TUBGCP4: variants seen among roughly 807,000 people sequenced by gnomAD.
The protein encoded by TUBGCP4 is tubulin gamma complex component 4, also known as gamma-tubulin complex component 4.
A neutral mutation model predicts 91.6 loss-of-function variants in TUBGCP4; 54 were observed. That is an observed-to-expected ratio of 0.59 (90% CI 0.47 to 0.74). The LOEUF (loss-of-function observed/expected upper bound fraction) is 0.74. TUBGCP4 is among the 30% of genes least tolerant of loss of function. The pLI is 0.00. For synonymous variants in TUBGCP4, 297 were observed against 302.8 expected (o/e 0.98, Z 0.20); for missense variants, 593 against 800.9 (o/e 0.74, Z 3.13).
At position 43,408,415 on chromosome 15, in the gene TUBGCP4, A is replaced by C. The variant is rs2142933637; in HGVS notation, c.*3201A>C. 1 of 286,016 alleles carries C rather than the reference A, an allele frequency of 3.5e-6. No individual in the cohort carries two copies. The highest frequency in any genetic ancestry group is 2.2e-5 in the African/African-American group (1 of 45,606). The allele number at this position is 286,016 out of a possible 1,614,324, so 17.7% of individuals were successfully genotyped here. A position where few individuals can be genotyped will look rare whatever the true frequency, so the allele number is the denominator to read the frequency against. ...GGGATCACTTCAGCCTGGGAGGTTG[A>C]GGCTGCAGTAAGTCGTCACTGCGCC... On this transcript the variant is annotated 3_prime_UTR_variant, in exon 18 of 18. Transcript: ENST00000564079.
In TUBGCP4 at chr15:43,395,635, T is replaced by G; in HGVS notation, c.1118T>G (p.Ile373Ser). ...LGRGELFQAF[I>S]DTAQHMLKTP... ...CGTGGAGAACTGTTTCAGGCCTTCA[T>G]TGACACAGCTCAACACATGTTGAAA... The change falls in exon 11 of 18, where the codon ATT becomes AGT. Residue 373 changes from isoleucine (I) to serine (S), a missense_variant. By Grantham distance (142) the Ile-to-Ser change is moderately radical. Transcript: ENST00000564079. 1 of 1,614,140 alleles carries G rather than the reference T, an allele frequency of 6.2e-7. No homozygotes were observed. Among genetic ancestry groups the G allele is most frequent in the South Asian group, 1.1e-5 (1 of 91,080 alleles).
chr15:43,385,114 T>C (rs1025678659), intron 7 of TUBGCP4, among the ~76,000 whole-genome samples: 2 of 152,082 alleles, frequency 1.3e-5, no homozygotes, highest in East Asian at 3.9e-4. Context: ...GGGGGGCATG[T>C]TGAGTTTGAG....
At chr15:43,380,022 G>C in intron 5 of TUBGCP4, 62 bp from the exon 6 acceptor site, 1 of 1,508,544 alleles carries the variant, frequency 6.6e-7, no homozygotes, top group East Asian at 2.3e-5. Context: ...TATGGAATAA[G>C]AATGTGTCTT....
In TUBGCP4 at chr15:43,395,513, G is replaced by A. The variant is rs1595494927; in HGVS notation, c.1066-70G>A. On this transcript the variant is annotated intron_variant, in intron 10 of 17. Coordinates refer to ENST00000564079, the MANE Select transcript of TUBGCP4 (RefSeq NM_014444.5). ...TGAAATTAGAAATTACTGTATACAT[G>A]TAATTCCTCAGGACAGTGAGGAGCT... The A allele has an allele frequency of 1.8e-5, 20 of 1,128,046 alleles. No homozygotes were observed. The South Asian group carries it at 2.2e-4, about 12-fold the overall frequency. 69.9% of individuals were successfully genotyped at this position (1,128,046 alleles called of 1,614,324 possible).
At position 43,385,919 on chromosome 15, in the gene TUBGCP4, G is replaced by A. The variant is rs147411843; in HGVS notation, c.852G>A (p.Gln284=). 3,374 of 1,614,082 alleles carry A rather than the reference G, an allele frequency of 2.1e-3. 6 individuals carry two copies. The highest frequency in any genetic ancestry group is 4.8e-3 in the Admixed American group (289 of 60,012). ...TCCTATTTGTTGGAGAATCTGTCCA[G>A]ATGTTTGAGAATCAAAATGTGAACC... ...EKILFVGESV[Q]MFENQNVNLT... is the part of the protein sequence containing the mutation. Residue 284 remains glutamine (Q), a synonymous_variant, in exon 8 of 18, where the codon CAG becomes CAA. Transcript: ENST00000564079.
Position 43,409,230 on chromosome 15 carries a change from G to C in TUBGCP4, c.*4016G>C. ...CCCAAAATGTGATTTAGTCTATCCT[G>C]CCCAAGGCCACTCTTCTCACTGGAA... On this transcript the variant is annotated 3_prime_UTR_variant, in exon 18 of 18. Coordinates refer to ENST00000564079, the MANE Select transcript of TUBGCP4 (RefSeq NM_014444.5). 2.7e-6 allele frequency: 2 copies of C among 752,694 alleles called. No homozygotes were observed. Among genetic ancestry groups the C allele is most frequent in the South Asian group, 3.5e-5 (2 of 57,302 alleles). 46.6% of individuals were successfully genotyped at this position (752,694 alleles called of 1,614,324 possible). A position where few individuals can be genotyped will look rare whatever the true frequency, so the allele number is the denominator to read the frequency against.
intron 9 of TUBGCP4, among the ~76,000 whole-genome samples, chr15:43,389,364 T>C (rs2044430943): frequency 6.6e-6 from 1 of 152,156 alleles, no homozygotes; most frequent in South Asian, 2.1e-4. Context: ...GATCATACTA[T>C]CTGCAAATGA....
intron 13 of TUBGCP4, among the ~76,000 whole-genome samples, chr15:43,399,787 A>G (rs1447172500): frequency 6.6e-6 from 1 of 152,250 alleles, no homozygotes; most frequent in Non-Finnish European, 1.5e-5. Context: ...TATCCAGTCC[A>G]CACTGAAATT....
At chr15:43,371,638 C>A (rs1349360637) in intron 1 of TUBGCP4, among the ~76,000 whole-genome samples, 1 of 152,052 alleles carries the variant, frequency 6.6e-6, no homozygotes, top group Non-Finnish European at 1.5e-5. Flanking sequence ...AAACGGAGGG[C>A]AGACCTCGAA....
intron 15 of TUBGCP4, 21 bp from the exon 16 acceptor site, chr15:43,403,662 C>G: frequency 6.4e-7 from 1 of 1,566,120 alleles, no homozygotes; most frequent in South Asian, 1.1e-5. Flanking sequence ...TTTCCTAATG[C>G]CAACTCTGTT....
At position 43,408,854 on chromosome 15, in the gene TUBGCP4, GTCC is replaced by G. The variant is rs779549312; in HGVS notation, c.*3645_*3647del. 2.1e-5 allele frequency: 33 copies of G among 1,588,016 alleles called. No individual in the cohort carries two copies. The African/African-American group carries it at 3.8e-4, about 18-fold the overall frequency. On this transcript the variant is annotated 3_prime_UTR_variant, in exon 18 of 18. Coordinates refer to ENST00000564079, the MANE Select transcript of TUBGCP4 (RefSeq NM_014444.5). Reference sequence around the variant, plus strand: ...GATTCTCTTCCCTCCAAAGCTTGCTGTCCTCCTGCCTATACAATTCTGGATGGG... The same window carrying G: ...GATTCTCTTCCCTCCAAAGCTTGCTGTCCTGCCTATACAATTCTGGATGGG...
rs2044902455 is a variant in TUBGCP4, at chr15:43,406,695, G to A, written c.*1481G>A. 2.3e-6 allele frequency: 1 copy of A among 437,570 alleles called. No individual in the cohort carries two copies. The highest frequency in any genetic ancestry group is 4.5e-6 in the Non-Finnish European group (1 of 220,926). 27.1% of individuals were successfully genotyped at this position (437,570 alleles called of 1,614,324 possible). A position where few individuals can be genotyped will look rare whatever the true frequency, so the allele number is the denominator to read the frequency against. ...GGAAGGAACTGCTTCCAGCTATTGTGACAATAATAATAATAATAATATTGG... is the reference window on the plus strand; with the variant it reads ...GGAAGGAACTGCTTCCAGCTATTGTAACAATAATAATAATAATAATATTGG... On this transcript the variant is annotated 3_prime_UTR_variant, in exon 18 of 18. Coordinates refer to ENST00000564079, the MANE Select transcript of TUBGCP4 (RefSeq NM_014444.5).
Position 43,371,220 on chromosome 15 carries a change from T to G in TUBGCP4, c.-135T>G. ...CGCTCCGCCGCAGCGATTGTCTCGG[T>G]GGGTTGATTCGGCACAAACCGCCCG... On this transcript the variant is annotated 5_prime_UTR_variant, in exon 1 of 18. Transcript: ENST00000564079. The G allele has an allele frequency of 1.1e-5, 9 of 835,574 alleles. No individual in the cohort carries two copies. The highest frequency in any genetic ancestry group is 1.5e-5 in the Non-Finnish European group (8 of 523,668). 51.8% of individuals were successfully genotyped at this position (835,574 alleles called of 1,614,324 possible). A position where few individuals can be genotyped will look rare whatever the true frequency, so the allele number is the denominator to read the frequency against.
chr15:43,402,805 T>A (rs1311533842), intron 15 of TUBGCP4: 3 of 152,250 alleles, frequency 2.0e-5, no homozygotes, highest in African/African-American at 7.2e-5. Flanking sequence ...TGGTAGTTTC[T>A]AATGGAACGG....
In TUBGCP4 at chr15:43,406,378, T is replaced by TATTA. The variant is rs2142915537; in HGVS notation, c.*1165_*1168dup. On this transcript the variant is annotated 3_prime_UTR_variant, in exon 18 of 18. Coordinates refer to ENST00000564079, the MANE Select transcript of TUBGCP4 (RefSeq NM_014444.5). Reference sequence around the variant, plus strand: ...GAAGCTCTGACAACTTATTCCCTGCTATTATCAACTAAAGATCACCCTTTC... The same window carrying TATTA: ...GAAGCTCTGACAACTTATTCCCTGCTATTAATTATCAACTAAAGATCACCCTTTC... 3.1e-6 allele frequency: 1 copy of TATTA among 321,422 alleles called. No homozygotes were observed. The highest frequency in any genetic ancestry group is 6.1e-6 in the Non-Finnish European group (1 of 162,688). 19.9% of individuals were successfully genotyped at this position (321,422 alleles called of 1,614,324 possible).
intron 6 of TUBGCP4, among the ~76,000 whole-genome samples, chr15:43,381,545 T>G (rs763372184): frequency 6.6e-6 from 1 of 152,100 alleles, no homozygotes; most frequent in Non-Finnish European, 1.5e-5. Flanking sequence ...GAGACCAGCC[T>G]GGGCAACATA....
Position 43,386,320 on chromosome 15 carries a change from C to G in TUBGCP4, c.1004C>G (p.Thr335Ser). 6.8e-7 allele frequency: 1 copy of G among 1,470,802 alleles called. No homozygotes were observed. Among genetic ancestry groups the G allele is most frequent in the South Asian group, 1.2e-5 (1 of 84,486 alleles). 91.1% of individuals were successfully genotyped at this position (1,470,802 alleles called of 1,614,324 possible). ...FEQVVDRIRS[T>S]VAEHLWKLMV... is the part of the protein sequence containing the mutation. ...CAGGTGGTGGATCGCATTCGCAGCA[C>G]TGTGGCTGAGGTTTGTGTTTCATCG... The change falls in exon 9 of 18, where the codon ACT (threonine) becomes AGT (serine). Residue 335 changes from threonine (T) to serine (S), a missense_variant. Physicochemically the swap from Thr to Ser is moderately conservative, Grantham distance 58. Transcript: ENST00000564079.
intron 1 of TUBGCP4, among the ~76,000 whole-genome samples, chr15:43,374,675 C>T (rs1490023432): frequency 6.6e-6 from 1 of 152,038 alleles, no homozygotes; most frequent in Non-Finnish European, 1.5e-5. Context: ...GGGTATATCC[C>T]AAAAGAAGTG....
intron 11 of TUBGCP4, among the ~76,000 whole-genome samples, chr15:43,396,215 CACAGTGTCCTCT>C (rs2142861546): frequency 6.6e-6 from 1 of 152,338 alleles, no homozygotes; most frequent in South Asian, 2.1e-4. Context: ...GAATATGCCT[CACAGTGTCCTCT>C]ACGGAAGGAA....
Sources: allele counts gnomAD v4.1 joint callset (sites outside exome capture counted in the v4.1 genomes callset), GRCh38; gene constraint gnomAD v4.1.1; transcripts MANE v1.5; gene names NCBI Gene and HGNC (gene_info 2026-07-23, HGNC 2026-07-21).